The following CKS2 variants were observed in gnomAD, a reference collection of about 807,000 sequenced individuals.
The protein encoded by CKS2 is CDC28 protein kinase regulatory subunit 2.
In CKS2, 4 loss-of-function variants were observed where a neutral mutation model predicts 14.3. That is an observed-to-expected ratio of 0.28 (90% CI 0.14 to 0.64). CKS2 has a LOEUF of 0.64. Among genes scored for constraint, CKS2 ranks in the 30% least tolerant of loss-of-function variants. CKS2 has a pLI of 0.83. For missense variants in CKS2, 71 were observed against 94.3 expected (o/e 0.75, Z 1.02); for synonymous variants, 33 against 28.7 (o/e 1.15, Z -0.48).
rs754503421 is a variant in CKS2 at position 89,315,296 on chromosome 9, A to G, written c.186A>G (p.Pro62=). Residue 62 remains proline, a splice_region_variant and synonymous_variant, in exon 2 of 3, where the codon CCA becomes CCG. Coordinates refer to ENST00000314355, the MANE Select transcript of CKS2 (RefSeq NM_001827.3). ...LGWVHYMIHE[P]EPHILLFRRP... Reference sequence around the variant, plus strand: ...GGGTTCATTACATGATTCATGAGCCAGGTAAGCTATGCTATGTTATAGTAA... The same window carrying G: ...GGGTTCATTACATGATTCATGAGCCGGGTAAGCTATGCTATGTTATAGTAA... 1.2e-5 allele frequency: 19 copies of G among 1,592,632 alleles called. No homozygotes were observed. The highest frequency in any genetic ancestry group is 1.6e-5 in the Non-Finnish European group (19 of 1,168,180).
At position 89,316,441 on chromosome 9, in the gene CKS2, C is replaced by T. The variant is rs989608739; in HGVS notation, c.*16C>T. Reference sequence around the variant, plus strand: ...ACAAAAATGAAGTTTATCTGGGGATCGTCAAATCTTTTTCAAATTTAATGT... The same window carrying T: ...ACAAAAATGAAGTTTATCTGGGGATTGTCAAATCTTTTTCAAATTTAATGT... On this transcript the variant is annotated 3_prime_UTR_variant, in exon 3 of 3. Coordinates refer to ENST00000314355, the MANE Select transcript of CKS2 (RefSeq NM_001827.3). 7.2e-6 allele frequency: 11 copies of T among 1,527,836 alleles called. No individual in the cohort carries two copies. Among genetic ancestry groups the T allele is most frequent in the African/African-American group, 2.7e-5 (2 of 73,282 alleles). The allele number at this position is 1,527,836 out of a possible 1,614,324, so 94.6% of individuals were successfully genotyped here. A position where few individuals can be genotyped will look rare whatever the true frequency, so the allele number is the denominator to read the frequency against.
Position 89,315,199 on chromosome 9 carries a change from A to G in CKS2, c.89A>G (p.Lys30Arg). ...RHVMLPRELS[K>R]QVPKTHLMSE... The stretch of plus-strand genomic sequence containing the variant: ...GTTATGTTACCCAGAGAACTTTCCA[A>G]ACAAGTACCTAAAACTCATCTGATG... The change falls in exon 2 of 3, where the codon AAA becomes AGA. Residue 30 changes from lysine to arginine, a missense_variant. Transcript: ENST00000314355. The G allele has an allele frequency of 1.9e-6, 3 of 1,610,806 alleles. No homozygotes were observed. The highest frequency in any genetic ancestry group is 2.5e-6 in the Non-Finnish European group (3 of 1,178,674).
In CKS2 at chr9:89,313,333, G is replaced by C. The variant is rs566198176; in HGVS notation, c.60-1837G>C. Among the ~76,000 whole-genome samples, 19 of 152,256 alleles carry C rather than the reference G, an allele frequency of 1.2e-4. 1 individual carries two copies. In the South Asian group the frequency reaches 3.7e-3, roughly 30 times the overall value. ...AGTCCTTTTACGTGAGGGTCTTAAT[G>C]TTTCTAAGGGCATAACAGTGGGTGC... On this transcript the variant is annotated intron_variant, in intron 1 of 2. Transcript: ENST00000314355.
intron 2 of CKS2, 74 bp downstream of exon 2, chr9:89,315,371 A>G: frequency 3.0e-6 from 4 of 1,313,096 alleles, no homozygotes; most frequent in Non-Finnish European, 3.0e-6. Flanking sequence ...AATTTTAAAA[A>G]TATCATTGAC....
At chr9:89,315,427 TAATGACTAA>T (rs1454243108) in intron 2 of CKS2, 130 bp downstream of exon 2, 1 of 678,540 alleles carries the variant, frequency 1.5e-6, no homozygotes, top group Non-Finnish European at 2.1e-6. Flanking sequence ...TTTTTTTTTT[TAATGACTAA>T]TTTCTTGACT....
chr9:89,313,769 T>A (rs1887680), intron 1 of CKS2, among the ~76,000 whole-genome samples: 4,399 of 152,356 alleles, frequency 0.029, 87 homozygotes, highest in Middle Eastern at 0.075. Flanking sequence ...TAACAGATTA[T>A]TTGAAGTTAG....
chr9:89,314,954 G>A (rs3211683), intron 1 of CKS2, among the ~76,000 whole-genome samples: 10,003 of 152,234 alleles, frequency 0.066, 463 homozygotes, highest in Middle Eastern at 0.12. Context: ...TAAGCATTCT[G>A]TGATAAGAGA....
At chr9:89,315,405 T>G in intron 2 of CKS2, 108 bp downstream of exon 2, 1 of 1,023,986 alleles carries the variant, frequency 9.8e-7, no homozygotes, top group Non-Finnish European at 1.3e-6. Flanking sequence ...TGAAAGTAAC[T>G]GTTCTGATAA....
chr9:89,312,222 T>C (rs1824631248), intron 1 of CKS2: 1 of 154,692 alleles, frequency 6.5e-6, no homozygotes, highest in Admixed American at 6.5e-5. Context: ...ATCAGTAAAA[T>C]TAGACAAATT....
chr9:89,316,127 G>A (rs1587816085), intron 2 of CKS2, among the ~76,000 whole-genome samples: 2 of 152,130 alleles, frequency 1.3e-5, no homozygotes, highest in South Asian at 2.1e-4. Context: ...CTATGGGGAT[G>A]AGCATTAGTA....
intron 2 of CKS2, 99 bp from the exon 3 acceptor site, chr9:89,316,274 T>G: frequency 1.3e-6 from 1 of 766,430 alleles, no homozygotes; most frequent in South Asian, 1.7e-5. Flanking sequence ...AATAGTGGAC[T>G]TAGTTTATTT....
chr9:89,311,929 A>G (rs1824617575), intron 1 of CKS2, among the ~76,000 whole-genome samples: 1 of 151,972 alleles, frequency 6.6e-6, no homozygotes, highest in Non-Finnish European at 1.5e-5. Flanking sequence ...TTGTTTTTGA[A>G]GTGAGTGGTA....
chr9:89,314,640 T>C (rs1587815436), intron 1 of CKS2, among the ~76,000 whole-genome samples: 1 of 152,176 alleles, frequency 6.6e-6, no homozygotes, highest in East Asian at 1.9e-4. Context: ...TCTAATAATC[T>C]GGGGCAGGGA....
chr9:89,311,258 C>A lies in CKS2; in HGVS notation c.-35C>A, dbSNP rs372028197. 2.5e-6 allele frequency: 4 copies of A among 1,594,458 alleles called. No homozygotes were observed. The highest frequency in any genetic ancestry group is 2.7e-5 in the African/African-American group (2 of 74,206). Reference sequence around the variant, plus strand: ...TTTTGTCTGCTGCGCCCGCTCTTCGCGCTCTCGTTTCATTTTCTGCAGCGC... The same window carrying A: ...TTTTGTCTGCTGCGCCCGCTCTTCGAGCTCTCGTTTCATTTTCTGCAGCGC... On this transcript the variant is annotated 5_prime_UTR_variant, in exon 1 of 3. Coordinates refer to ENST00000314355, the MANE Select transcript of CKS2 (RefSeq NM_001827.3).
intron 1 of CKS2, among the ~76,000 whole-genome samples, chr9:89,313,696 A>G (rs1304288797): frequency 2.0e-5 from 3 of 152,250 alleles, no homozygotes; most frequent in Non-Finnish European, 4.4e-5. Flanking sequence ...TTTGATAGAA[A>G]AGGTACAAAA....
intron 1 of CKS2, among the ~76,000 whole-genome samples, chr9:89,312,565 A>G (rs905537441): frequency 7.2e-5 from 11 of 152,176 alleles, no homozygotes; most frequent in African/African-American, 2.7e-4. Context: ...CCCCCTCCCT[A>G]GTAGCATGGA....
chr9:89,311,395 G>T, intron 1 of CKS2, 44 bp downstream of exon 1: 1 of 1,528,196 alleles, frequency 6.5e-7, no homozygotes, highest in Non-Finnish European at 8.9e-7. Context: ...CTCAGCCGGG[G>T]CCCCCGCGGG....
In CKS2 at chr9:89,311,260, C is replaced by T; in HGVS notation, c.-33C>T. 1.2e-6 allele frequency: 2 copies of T among 1,600,162 alleles called. No homozygotes were observed. The highest frequency in any genetic ancestry group is 1.7e-6 in the Non-Finnish European group (2 of 1,170,420). On this transcript the variant is annotated 5_prime_UTR_variant, in exon 1 of 3. Transcript: ENST00000314355. Reference sequence around the variant, plus strand: ...TTGTCTGCTGCGCCCGCTCTTCGCGCTCTCGTTTCATTTTCTGCAGCGCGC... The same window carrying T: ...TTGTCTGCTGCGCCCGCTCTTCGCGTTCTCGTTTCATTTTCTGCAGCGCGC...
At chr9:89,315,400 G>A (rs1824689884) in intron 2 of CKS2, 103 bp downstream of exon 2, 1 of 1,044,542 alleles carries the variant, frequency 9.6e-7, no homozygotes. Context: ...ATATCTGAAA[G>A]TAACTGTTCT....
Sources: allele counts gnomAD v4.1 joint callset (sites outside exome capture counted in the v4.1 genomes callset), GRCh38; gene constraint gnomAD v4.1.1; transcripts MANE v1.5; gene names NCBI Gene and HGNC (gene_info 2026-07-23, HGNC 2026-07-21).